The following PTPRK variants were observed in gnomAD, a reference collection of about 807,000 sequenced individuals.
PTPRK encodes the protein receptor-type tyrosine-protein phosphatase kappa.
In PTPRK, 75 loss-of-function variants were observed where a neutral mutation model predicts 178.0. That is an observed-to-expected ratio of 0.42 (90% confidence interval 0.35 to 0.51). The LOEUF (loss-of-function observed/expected upper bound fraction) is 0.51. Among genes scored for constraint, PTPRK ranks in the 20% least tolerant of loss-of-function variants. The pLI, the probability that PTPRK is intolerant of heterozygous loss-of-function variation, is 0.02. For missense variants in PTPRK, 1,441 were observed against 1,797.8 expected (o/e 0.80, Z 3.59); for synonymous variants, 637 against 620.6 (o/e 1.03, Z -0.39).
In PTPRK at chr6:128,000,437, T is replaced by C. The variant is rs967074044; in HGVS notation, c.2495-1533A>G. 50 of 666,178 alleles carry C rather than the reference T, an allele frequency of 7.5e-5. No homozygotes were observed. The African/African-American group carries it at 9.6e-4, about 13-fold the overall frequency. The allele number at this position is 666,178 out of a possible 1,614,324, so 41.3% of individuals were successfully genotyped here. A position where few individuals can be genotyped will look rare whatever the true frequency, so the allele number is the denominator to read the frequency against. ...CCCTCTTATTAAGCTGAATGCTCTT[T>C]TTGTAGCATTCATTCCTAAAAATAC... On this transcript the variant is annotated intron_variant, in intron 15 of 29. Coordinates refer to ENST00000368226, the MANE Select transcript of PTPRK (RefSeq NM_002844.4).
intron 1 of PTPRK, chr6:128,491,923 C>T (rs1853854227): frequency 2.2e-6 from 1 of 450,910 alleles, no homozygotes; most frequent in Admixed American, 2.4e-5. Context: ...ATGAAACTTC[C>T]CCTGGGAATT....
At chr6:128,228,200 G>C (rs1050121299) in intron 5 of PTPRK, among the ~76,000 whole-genome samples, 2 of 151,866 alleles carry the variant, frequency 1.3e-5, no homozygotes, top group Admixed American at 1.3e-4. Context: ...GATGATTCCT[G>C]AATAATGAGT....
At chr6:128,157,335 T>G (rs1798080486) in intron 7 of PTPRK, among the ~76,000 whole-genome samples, 1 of 152,056 alleles carries the variant, frequency 6.6e-6, no homozygotes, top group Admixed American at 6.6e-5. Flanking sequence ...TTATCTCATT[T>G]CTTAAAACAT....
At chr6:128,217,249 A>G (rs1175395164) in intron 6 of PTPRK, among the ~76,000 whole-genome samples, 3 of 152,238 alleles carry the variant, frequency 2.0e-5, no homozygotes, top group African/African-American at 7.2e-5. Flanking sequence ...TATTTTCTTA[A>G]TTGAAACTGG....
At chr6:127,979,156 G>A (rs1349139345) in intron 25 of PTPRK, among the ~76,000 whole-genome samples, 2 of 152,130 alleles carry the variant, frequency 1.3e-5, no homozygotes, top group Admixed American at 1.3e-4. Context: ...ATACACCTTA[G>A]TTCTAGCTAC....
rs373817653 is a variant in PTPRK at position 128,273,457 on chromosome 6, A to G, written c.496-30855T>C. ...CTTTGCAAAGTCCTATACCCATTCT[A>G]TGAAAAGCATCTATCCTCCTTCCTA... On this transcript the variant is annotated intron_variant, in intron 3 of 29. Transcript: ENST00000368226. 4.3e-4 allele frequency among the ~76,000 whole-genome samples: 65 copies of G among 152,304 alleles called. No homozygotes were observed. The South Asian group carries it at 0.013, about 30-fold the overall frequency.
chr6:128,016,000 C>A (rs1473952000), intron 13 of PTPRK, among the ~76,000 whole-genome samples: 1 of 151,670 alleles, frequency 6.6e-6, no homozygotes, highest in Non-Finnish European at 1.5e-5. Context: ...TTTTGAGATA[C>A]CTGAAATATC....
Position 128,412,706 on chromosome 6 carries a change from C to A in PTPRK, c.101-15018G>T, listed in dbSNP as rs543357941. Among the ~76,000 whole-genome samples the A allele has an allele frequency of 3.9e-5, 6 of 152,290 alleles. No homozygotes were observed. In the East Asian group the frequency reaches 9.6e-4, roughly 24 times the overall value. On this transcript the variant is annotated intron_variant, in intron 1 of 29. Coordinates refer to ENST00000368226, the MANE Select transcript of PTPRK (RefSeq NM_002844.4). ...CAAACTATGGCCAATGATAAGAGTT[C>A]TCTAAGGAAAGGCAGATTTCATGCT...
intron 15 of PTPRK, among the ~76,000 whole-genome samples, chr6:128,000,875 A>G (rs762800925): frequency 6.6e-6 from 1 of 152,042 alleles, no homozygotes; most frequent in East Asian, 1.9e-4. Flanking sequence ...AATATTTACA[A>G]TTGAAAAAGG....
chr6:128,042,801 C>T (rs1777418945), intron 13 of PTPRK, among the ~76,000 whole-genome samples: 1 of 151,986 alleles, frequency 6.6e-6, no homozygotes, highest in Admixed American at 6.6e-5. Flanking sequence ...AATAACTTAT[C>T]TATTTGATAA....
chr6:128,167,818 C>T (rs1357156169), intron 7 of PTPRK, among the ~76,000 whole-genome samples: 1 of 152,002 alleles, frequency 6.6e-6, no homozygotes, highest in East Asian at 1.9e-4. Context: ...CTTAATATTA[C>T]TTCTACTTAC....
At chr6:128,078,986 A>G (rs1182757142) in intron 10 of PTPRK, 68 bp from the exon 11 acceptor site, 1 of 1,029,344 alleles carries the variant, frequency 9.7e-7, no homozygotes, top group East Asian at 2.4e-5. Context: ...GGTCAGAATG[A>G]ACAGACAATC....
chr6:128,455,034 A>C (rs964195800), intron 1 of PTPRK, among the ~76,000 whole-genome samples: 1 of 152,180 alleles, frequency 6.6e-6, no homozygotes, highest in Non-Finnish European at 1.5e-5. Context: ...ATATTTTAAA[A>C]GGCAATTAAT....
intron 6 of PTPRK, among the ~76,000 whole-genome samples, chr6:128,200,250 C>T (rs867601667): frequency 7.9e-5 from 12 of 152,104 alleles, no homozygotes; most frequent in African/African-American, 2.9e-4. Context: ...GAGAAAAATT[C>T]TGAACTCATC....
At chr6:128,251,732 C>G (rs9491931) in intron 3 of PTPRK, among the ~76,000 whole-genome samples, 1 of 152,094 alleles carries the variant, frequency 6.6e-6, no homozygotes, top group Non-Finnish European at 1.5e-5. Flanking sequence ...CCATATATCA[C>G]TGTAATTAAT....
At chr6:128,068,402 G>A (rs1459651620) in intron 11 of PTPRK, among the ~76,000 whole-genome samples, 4 of 152,178 alleles carry the variant, frequency 2.6e-5, no homozygotes, top group Non-Finnish European at 1.5e-5. Context: ...CCTCACAACC[G>A]AAATAGACCG....
chr6:128,007,934 GC>G, intron 14 of PTPRK: 1 of 628,558 alleles, frequency 1.6e-6, no homozygotes, highest in Non-Finnish European at 2.5e-6. Flanking sequence ...TAAAACTTTT[GC>G]CTCACATATG....
At chr6:128,167,933 C>G (rs544316980) in intron 7 of PTPRK, among the ~76,000 whole-genome samples, 4 of 151,998 alleles carry the variant, frequency 2.6e-5, no homozygotes, top group Non-Finnish European at 5.9e-5. Flanking sequence ...TTTACTGTTA[C>G]CAAAAACCTA....
intron 6 of PTPRK, among the ~76,000 whole-genome samples, chr6:128,207,195 A>G (rs1807132425): frequency 6.6e-6 from 1 of 152,124 alleles, no homozygotes; most frequent in South Asian, 2.1e-4. Flanking sequence ...GACAGCTTGA[A>G]ATGATTGTCC....
Sources: allele counts gnomAD v4.1 joint callset (sites outside exome capture counted in the v4.1 genomes callset), GRCh38; gene constraint gnomAD v4.1.1; transcripts MANE v1.5; gene names NCBI Gene and HGNC (gene_info 2026-07-23, HGNC 2026-07-21).